Variants in GBE1 observed in about 807,000 individuals in gnomAD.
The protein encoded by GBE1 is 1,4-alpha-glucan-branching enzyme.
Under a neutral mutation model 88.8 loss-of-function variants are expected in GBE1, and 70 were observed. That is an observed-to-expected ratio of 0.79 (90% CI 0.65 to 0.96). The LOEUF (loss-of-function observed/expected upper bound fraction) is 0.96, where lower values mean the gene tolerates loss of function less well. Among genes scored for constraint, GBE1 ranks in the 40% least tolerant of loss-of-function variants. The probability of loss-of-function intolerance (pLI) is 0.00; values close to 1 mark genes in which losing one functional copy is unlikely to be tolerated. For synonymous variants in GBE1, 284 were observed against 300.1 expected, an observed-to-expected ratio of 0.95 and a Z score of 0.56; for missense variants, 872 against 871.0, an observed-to-expected ratio of 1.00 and a Z score of -0.01.
At chr3:81,600,811 G>C (rs1704022407) in intron 7 of GBE1, among the ~76,000 whole-genome samples, 1 of 152,120 alleles carries the variant, frequency 6.6e-6, no homozygotes, top group Non-Finnish European at 1.5e-5. Flanking sequence ...GCATTTTAGA[G>C]AGGAGATGAA....
intron 7 of GBE1, among the ~76,000 whole-genome samples, chr3:81,613,393 A>G (rs1406489693): frequency 6.6e-6 from 1 of 152,080 alleles, no homozygotes; most frequent in Non-Finnish European, 1.5e-5. Context: ...TGGAATCTGG[A>G]GGGTGCTAAG....
intron 1 of GBE1, among the ~76,000 whole-genome samples, chr3:81,711,276 T>C (rs1705861663): frequency 6.6e-6 from 1 of 152,176 alleles, no homozygotes; most frequent in African/African-American, 2.4e-5. Flanking sequence ...TTTTATTTTG[T>C]CATTTGCTTC....
intron 9 of GBE1, among the ~76,000 whole-genome samples, chr3:81,590,225 C>T (rs1164524766): frequency 6.6e-6 from 1 of 151,954 alleles, no homozygotes; most frequent in Non-Finnish European, 1.5e-5. Context: ...CCATTTCATG[C>T]CAATAAGCTA....
chr3:81,670,345 T>C (rs562861980), intron 3 of GBE1, among the ~76,000 whole-genome samples: 1 of 152,146 alleles, frequency 6.6e-6, no homozygotes, highest in South Asian at 2.1e-4. Context: ...AAGAATATGA[T>C]AAACAAGACC....
intron 11 of GBE1, 117 bp from the exon 12 acceptor site, chr3:81,578,213 GATTAATATTA>G: frequency 1.4e-6 from 1 of 692,714 alleles, no homozygotes; most frequent in Non-Finnish European, 2.2e-6. Context: ...GAGGTGTGTA[GATTAATATTA>G]ATTTCAGGTA....
chr3:81,759,289 G>C (rs1021061050), intron 1 of GBE1, among the ~76,000 whole-genome samples: 1 of 152,190 alleles, frequency 6.6e-6, no homozygotes, highest in Admixed American at 6.5e-5. Flanking sequence ...GGAAGGATGA[G>C]ACAGTCCATC....
chr3:81,595,869 C>A (rs80156457), intron 7 of GBE1, among the ~76,000 whole-genome samples: 2 of 151,796 alleles, frequency 1.3e-5, no homozygotes, highest in Non-Finnish European at 2.9e-5. Context: ...GTATGAACAA[C>A]AAAAAAATTC....
chr3:81,645,578 T>C (rs895192324), intron 6 of GBE1, among the ~76,000 whole-genome samples: 2 of 152,152 alleles, frequency 1.3e-5, no homozygotes, highest in Admixed American at 6.5e-5. Flanking sequence ...AGATAACTTA[T>C]TGAGGGAGAA....
chr3:81,669,226 T>A (rs1167524432), intron 3 of GBE1, among the ~76,000 whole-genome samples: 1 of 152,226 alleles, frequency 6.6e-6, no homozygotes, highest in Non-Finnish European at 1.5e-5. Flanking sequence ...AGGAGCTGTT[T>A]GCTATTTAGA....
At chr3:81,684,551 G>C (rs1705404628) in intron 2 of GBE1, among the ~76,000 whole-genome samples, 1 of 151,936 alleles carries the variant, frequency 6.6e-6, no homozygotes, top group South Asian at 2.1e-4. Context: ...ATTCATGAGG[G>C]CTCTCCCGTC....
intron 14 of GBE1, among the ~76,000 whole-genome samples, chr3:81,506,041 A>G (rs2106820323): frequency 6.6e-6 from 1 of 152,298 alleles, no homozygotes; most frequent in Non-Finnish European, 1.5e-5. Flanking sequence ...GAAGACACTA[A>G]AAGCAAAAAC....
intron 7 of GBE1, among the ~76,000 whole-genome samples, chr3:81,599,534 T>G (rs1174464803): frequency 2.0e-5 from 3 of 152,192 alleles, no homozygotes; most frequent in Non-Finnish European, 4.4e-5. Flanking sequence ...CAAACCTGTA[T>G]AGCATGTTAC....
intron 14 of GBE1, among the ~76,000 whole-genome samples, chr3:81,525,966 T>A (rs1330057157): frequency 1.3e-5 from 2 of 152,092 alleles, no homozygotes; most frequent in East Asian, 1.9e-4. Flanking sequence ...ATTTTGTTGA[T>A]CTTTTCAAAA....
chr3:81,718,702 T>C (rs992661538), intron 1 of GBE1, among the ~76,000 whole-genome samples: 10 of 152,160 alleles, frequency 6.6e-5, no homozygotes, highest in African/African-American at 2.2e-4. Flanking sequence ...AATGGCACAA[T>C]CTTGGCTCAC....
At chr3:81,526,419 G>T (rs1481305551) in intron 14 of GBE1, among the ~76,000 whole-genome samples, 1 of 152,046 alleles carries the variant, frequency 6.6e-6, no homozygotes, top group Non-Finnish European at 1.5e-5. Context: ...TAGGAAAAGA[G>T]GAAGTCAAAT....
At chr3:81,613,115 A>T in intron 7 of GBE1, 1 of 492,278 alleles carries the variant, frequency 2.0e-6, no homozygotes, top group Middle Eastern at 8.1e-4. Context: ...CCTTTTTTAA[A>T]ATGTTCTCCA....
In GBE1 at chr3:81,702,102, AGTGTGTGTGTGTGTGTGTGT is replaced by A. The variant is rs571028865; in HGVS notation, c.313+3322_313+3341del. On this transcript the variant is annotated intron_variant, in intron 2 of 15. Coordinates refer to ENST00000429644, the MANE Select transcript of GBE1 (RefSeq NM_000158.4). ...TCCCTGGAGAGAGAGAGAGAGAGAG[AGTGTGTGTGTGTGTGTGTGT>A]GTGTGTGTGTGTGTGTGTGTGTGTG... Among the ~76,000 whole-genome samples the A allele has an allele frequency of 2.7e-3, 314 of 115,462 alleles. 10 individuals carry two copies. The highest frequency in any genetic ancestry group is 8.0e-3 in the African/African-American group (278 of 34,700). The allele number at this position is 115,462 out of a possible 152,430, so 75.7% of individuals were successfully genotyped here. A position where few individuals can be genotyped will look rare whatever the true frequency, so the allele number is the denominator to read the frequency against.
intron 2 of GBE1, among the ~76,000 whole-genome samples, chr3:81,691,328 C>T (rs1180631598): frequency 6.6e-6 from 1 of 152,072 alleles, no homozygotes; most frequent in African/African-American, 2.4e-5. Flanking sequence ...CTATTTTATA[C>T]AAAAGCTTTT....
At chr3:81,529,181 A>G (rs1288346046) in intron 14 of GBE1, among the ~76,000 whole-genome samples, 1 of 152,060 alleles carries the variant, frequency 6.6e-6, no homozygotes, top group Non-Finnish European at 1.5e-5. Context: ...ACTATTTTAA[A>G]CTGATGACAA....
Sources: gnomAD v4.1 joint callset for allele counts (sites outside exome capture counted in the v4.1 genomes callset) on GRCh38, gnomAD v4.1.1 for gene constraint, MANE v1.5 for transcripts, NCBI Gene and HGNC (gene_info 2026-07-23, HGNC 2026-07-21) for gene names.